The following RUNX2 variants were observed in gnomAD, a reference collection of about 807,000 sequenced individuals.
RUNX2 encodes runt-related transcription factor 2.
A neutral mutation model predicts 51.7 loss-of-function variants in RUNX2; 10 were observed. The ratio of observed to expected loss-of-function variants is 0.19; its 90% CI spans 0.12 to 0.33. The LOEUF is 0.33. Among genes scored for constraint, RUNX2 ranks in the 10% least tolerant of loss-of-function variants. The probability of loss-of-function intolerance (pLI) is 1.00; values close to 1 mark genes in which losing one functional copy is unlikely to be tolerated. For synonymous variants in RUNX2, 276 were observed against 273.6 expected (o/e 1.01, Z -0.09); for missense variants, 562 against 691.3 (o/e 0.81, Z 2.10).
intron 5 of RUNX2, among the ~76,000 whole-genome samples, chr6:45,473,368 G>C (rs1276335017): frequency 6.6e-6 from 1 of 152,108 alleles, no homozygotes; most frequent in African/African-American, 2.4e-5. Context: ...GCGTGTATGT[G>C]TGTTTGTGTG....
chr6:45,474,465 T>G (rs150305020), intron 5 of RUNX2, among the ~76,000 whole-genome samples: 8 of 152,166 alleles, frequency 5.3e-5, no homozygotes, highest in African/African-American at 1.9e-4. Flanking sequence ...TTTATCTTTT[T>G]TTTTGAGAGG....
chr6:45,512,219 A>G (rs1265409454), intron 6 of RUNX2, 27 bp from the exon 7 acceptor site: 1 of 1,610,658 alleles, frequency 6.2e-7, no homozygotes, highest in Admixed American at 1.7e-5. Context: ...TTGCTATACT[A>G]AAGATTTTTC....
chr6:45,471,679 C>T (rs1799808481), intron 5 of RUNX2, among the ~76,000 whole-genome samples: 1 of 152,104 alleles, frequency 6.6e-6, no homozygotes, highest in African/African-American at 2.4e-5. Flanking sequence ...CTCCTGACCT[C>T]GTCCTCCTCG....
chr6:45,340,023 G>A (rs1789428433), intron 2 of RUNX2, among the ~76,000 whole-genome samples: 1 of 152,164 alleles, frequency 6.6e-6, no homozygotes, highest in Admixed American at 6.5e-5. Context: ...CAAGGTTACA[G>A]AGTTGAAGAG....
chr6:45,536,345 T>C (rs963128633), intron 7 of RUNX2, among the ~76,000 whole-genome samples: 5 of 152,130 alleles, frequency 3.3e-5, no homozygotes, highest in Non-Finnish European at 7.3e-5. Flanking sequence ...GGCTGAAGCC[T>C]GTGGCTTTGA....
intron 5 of RUNX2, among the ~76,000 whole-genome samples, chr6:45,458,457 A>G (rs185102308): frequency 6.6e-6 from 1 of 152,344 alleles, no homozygotes; most frequent in East Asian, 1.9e-4. Context: ...GAAATCAGAT[A>G]GAAATATTGG....
intron 2 of RUNX2, among the ~76,000 whole-genome samples, chr6:45,373,168 T>C (rs1796325813): frequency 6.6e-6 from 1 of 152,116 alleles, no homozygotes; most frequent in South Asian, 2.1e-4. Context: ...CCCATCACTC[T>C]TAGGCTCAAG....
At chr6:45,485,296 G>A (rs1563106869) in intron 5 of RUNX2, among the ~76,000 whole-genome samples, 1 of 149,932 alleles carries the variant, frequency 6.7e-6, no homozygotes, top group South Asian at 2.1e-4. Flanking sequence ...TCTGCCTCCT[G>A]TGTTCAAGCG....
chr6:45,396,906 C>T (rs1325873957), intron 2 of RUNX2, among the ~76,000 whole-genome samples: 2 of 152,036 alleles, frequency 1.3e-5, no homozygotes, highest in East Asian at 1.9e-4. Context: ...TATCCATTCA[C>T]CAGTTGATGG....
rs778901535 is a variant in RUNX2 at position 45,491,987 on chromosome 6, C to A, written c.732C>A (p.Asp244Glu). 6.2e-7 allele frequency: 1 copy of A among 1,613,938 alleles called. No individual in the cohort carries two copies. The highest frequency in any genetic ancestry group is 1.1e-5 in the South Asian group (1 of 91,080). ...LDDSKPSLFS[D>E]RLSDLGRIPH... ...ACTCTAAACCTAGTTTGTTCTCTGA[C>A]CGCCTCAGTGATTTAGGGCGCATTC... Residue 244 changes from aspartate (D) to glutamate (E), a missense_variant, in exon 6 of 9, where the codon GAC (aspartate) becomes GAA (glutamate). By Grantham distance (45) the Asp-to-Glu change is conservative. This residue lies in a region of RUNX2 where 37 missense variants were observed against 66.5 expected (regional missense o/e 0.56). Coordinates refer to ENST00000647337, the MANE Select transcript of RUNX2 (RefSeq NM_001024630.4).
At chr6:45,333,800 A>T (rs1294413644) in intron 2 of RUNX2, among the ~76,000 whole-genome samples, 1 of 151,294 alleles carries the variant, frequency 6.6e-6, no homozygotes, top group African/African-American at 2.4e-5. Flanking sequence ...TCTACTCTAT[A>T]TTCTTGTTAA....
chr6:45,514,037 T>C (rs1177210237), intron 7 of RUNX2, among the ~76,000 whole-genome samples: 3 of 152,204 alleles, frequency 2.0e-5, no homozygotes, highest in African/African-American at 7.2e-5. Context: ...AACTTGCTTC[T>C]GTTTGGGGTC....
At chr6:45,365,124 A>C in intron 2 of RUNX2, 2 of 834,862 alleles carry the variant, frequency 2.4e-6, no homozygotes, top group Non-Finnish European at 3.6e-6. Context: ...AGTTTTATAA[A>C]TGTTGTTATG....
chr6:45,525,628 G>T (rs1801650822), intron 7 of RUNX2, among the ~76,000 whole-genome samples: 1 of 152,186 alleles, frequency 6.6e-6, no homozygotes, highest in South Asian at 2.1e-4. Flanking sequence ...AGTTTTTGAT[G>T]TCTGTGATTC....
At chr6:45,487,605 T>C (rs1265044504) in intron 5 of RUNX2, among the ~76,000 whole-genome samples, 1 of 152,158 alleles carries the variant, frequency 6.6e-6, no homozygotes, top group African/African-American at 2.4e-5. Flanking sequence ...CACTAGATTG[T>C]CAAACAAGAA....
intron 7 of RUNX2, 101 bp from the exon 8 acceptor site, chr6:45,545,116 C>A (rs1278488339): frequency 1.0e-6 from 1 of 955,018 alleles, no homozygotes; most frequent in Admixed American, 2.0e-5. Flanking sequence ...CTCTGTCTAC[C>A]CCTCCCCTAA....
intron 6 of RUNX2, among the ~76,000 whole-genome samples, chr6:45,492,766 T>A (rs1444543035): frequency 6.6e-6 from 1 of 152,226 alleles, no homozygotes; most frequent in Non-Finnish European, 1.5e-5. Context: ...GACCCCCAAC[T>A]CTTTTCTTTT....
chr6:45,456,479 T>C (rs1175529391), intron 5 of RUNX2, among the ~76,000 whole-genome samples: 1 of 152,214 alleles, frequency 6.6e-6, no homozygotes, highest in Non-Finnish European at 1.5e-5. Flanking sequence ...AGACAACTCA[T>C]ATGAAGTGTA....
chr6:45,442,600 A>G (rs1798872835), intron 5 of RUNX2, among the ~76,000 whole-genome samples: 1 of 152,218 alleles, frequency 6.6e-6, no homozygotes, highest in South Asian at 2.1e-4. Context: ...GGAAAAAGTA[A>G]ATAAGCTTAC....
Sources: gnomAD v4.1 joint callset for allele counts (sites outside exome capture counted in the v4.1 genomes callset) on GRCh38, gnomAD v4.1.1 for gene constraint, gnomAD v4.1.1 regional missense constraint, MANE v1.5 for transcripts, NCBI Gene and HGNC (gene_info 2026-07-23, HGNC 2026-07-21) for gene names.